TMEM135: variants seen among roughly 807,000 people sequenced by gnomAD.
TMEM135 encodes peroxisomal membrane protein 52.
Under a neutral mutation model 60.3 loss-of-function variants are expected in TMEM135, and 30 were observed. The observed-to-expected ratio is 0.50, with a 90% CI of 0.37 to 0.68. The LOEUF (loss-of-function observed/expected upper bound fraction) is 0.68. TMEM135 is among the 30% of genes least tolerant of loss of function. TMEM135 has a pLI of 0.00. For missense variants in TMEM135, 468 were observed against 548.8 expected (o/e 0.85, Z 1.47); for synonymous variants, 190 against 186.7 (o/e 1.02, Z -0.14).
At chr11:87,252,127 G>T (rs10751150) in intron 6 of TMEM135, among the ~76,000 whole-genome samples, 16,556 of 152,036 alleles carry the variant, frequency 0.11, 1,634 homozygotes, top group African/African-American at 0.26. Flanking sequence ...TTTCTTTCTT[G>T]TCCCCTTCCT....
chr11:87,098,368 A>T (rs1417069571), intron 4 of TMEM135, among the ~76,000 whole-genome samples: 1 of 150,086 alleles, frequency 6.7e-6, no homozygotes, highest in Non-Finnish European at 1.5e-5. Context: ...CTGTAATATT[A>T]TTTACAAGTA....
chr11:87,315,470 T>G (rs1218672110), intron 12 of TMEM135, among the ~76,000 whole-genome samples: 1 of 151,962 alleles, frequency 6.6e-6, no homozygotes, highest in African/African-American at 2.4e-5. Context: ...CTTTTTGTGA[T>G]GCTAAGATTG....
chr11:87,182,001 T>G (rs1433763147), intron 5 of TMEM135, among the ~76,000 whole-genome samples: 1 of 151,210 alleles, frequency 6.6e-6, no homozygotes, highest in Non-Finnish European at 1.5e-5. Flanking sequence ...GTATTTGAAA[T>G]GAGAGTAAGC....
chr11:87,213,282 T>TGTA (rs1940419693), intron 5 of TMEM135, among the ~76,000 whole-genome samples: 1 of 152,208 alleles, frequency 6.6e-6, no homozygotes, highest in Non-Finnish European at 1.5e-5. Flanking sequence ...TCTACCAGTG[T>TGTA]CCTGTGGAAG....
chr11:87,254,731 T>C (rs1941486794), intron 6 of TMEM135, among the ~76,000 whole-genome samples: 1 of 152,178 alleles, frequency 6.6e-6, no homozygotes, highest in Admixed American at 6.5e-5. Context: ...CTGGGAATTA[T>C]CCAGATGTGA....
chr11:87,071,548 T>C lies in TMEM135; in HGVS notation c.295T>C (p.Trp99Arg), dbSNP rs1856772941. 1 of 1,613,956 alleles carries C rather than the reference T, an allele frequency of 6.2e-7. No homozygotes were observed. Among genetic ancestry groups the C allele is most frequent in the Non-Finnish European group, 8.5e-7 (1 of 1,179,994 alleles). Reference sequence around the variant, plus strand: ...GAAGATACTTGGAAAATTCTACTCATGGACTCCTGGCTTTGGTGCCGCTCT... The same window carrying C: ...GAAGATACTTGGAAAATTCTACTCACGGACTCCTGGCTTTGGTGCCGCTCT... ...LRKILGKFYS[W>R]TPGFGAALPA... Residue 99 changes from tryptophan to arginine, a missense_variant, in exon 3 of 15, where the codon TGG becomes CGG. Trp to Arg is a moderately radical substitution (Grantham distance 101, BLOSUM62 -3). Coordinates refer to ENST00000305494, the MANE Select transcript of TMEM135 (RefSeq NM_022918.4).
At chr11:87,155,586 T>C (rs1291799606) in intron 4 of TMEM135, among the ~76,000 whole-genome samples, 2 of 152,258 alleles carry the variant, frequency 1.3e-5, no homozygotes, top group East Asian at 1.9e-4. Context: ...TGTTTAAGTT[T>C]AGGGCCACTG....
chr11:87,313,674 T>A (rs948709057), intron 11 of TMEM135, among the ~76,000 whole-genome samples, 186 bp downstream of exon 11: 1 of 151,932 alleles, frequency 6.6e-6, no homozygotes, highest in Non-Finnish European at 1.5e-5. Context: ...TGCCATCTGA[T>A]GTTTTGAGTT....
At position 87,155,123 on chromosome 11, in the gene TMEM135, C is replaced by T. The variant is rs533669447; in HGVS notation, c.397-2218C>T. 3.3e-5 allele frequency among the ~76,000 whole-genome samples: 5 copies of T among 152,274 alleles called. No homozygotes were observed. The East Asian group carries it at 7.7e-4, about 23-fold the overall frequency. On this transcript the variant is annotated intron_variant, in intron 4 of 14. Coordinates refer to ENST00000305494, the MANE Select transcript of TMEM135 (RefSeq NM_022918.4). Reference sequence around the variant, plus strand: ...AAGTTATTCTCCTGCCTCAGCCTCCCGGGTAGCTGGGAGTACAGGCATGTG... The same window carrying T: ...AAGTTATTCTCCTGCCTCAGCCTCCTGGGTAGCTGGGAGTACAGGCATGTG...
chr11:87,105,395 T>A (rs950402905), intron 4 of TMEM135, among the ~76,000 whole-genome samples: 1 of 152,166 alleles, frequency 6.6e-6, no homozygotes, highest in Non-Finnish European at 1.5e-5. Flanking sequence ...ATGCTTCTTA[T>A]GATGATCTGA....
chr11:87,084,143 C>T (rs912824412), intron 3 of TMEM135, among the ~76,000 whole-genome samples: 3 of 151,986 alleles, frequency 2.0e-5, no homozygotes, highest in African/African-American at 4.8e-5. Flanking sequence ...TTATTGATTA[C>T]GCATCTAATT....
chr11:87,300,747 T>C lies in TMEM135; in HGVS notation c.552-1549T>C, dbSNP rs561176299. 8.5e-5 allele frequency among the ~76,000 whole-genome samples: 13 copies of C among 152,354 alleles called. No homozygotes were observed. In the East Asian group the frequency reaches 2.5e-3, roughly 29 times the overall value. ...AACAGCAAAGAAGATATACATGGTC[T>C]CACAGGCCTCACAGTTGAGTAGGGG... On this transcript the variant is annotated intron_variant, in intron 7 of 14. Transcript: ENST00000305494.
At chr11:87,219,838 A>C (rs1324464638) in intron 5 of TMEM135, among the ~76,000 whole-genome samples, 1 of 152,178 alleles carries the variant, frequency 6.6e-6, no homozygotes. Context: ...GTTTAGTGTC[A>C]TAACAATCCA....
At chr11:87,152,136 G>C (rs1938573140) in intron 4 of TMEM135, among the ~76,000 whole-genome samples, 1 of 152,136 alleles carries the variant, frequency 6.6e-6, no homozygotes, top group Admixed American at 6.5e-5. Context: ...CATGTCTTCT[G>C]ACTCTTCAGA....
rs560606830 is a variant in TMEM135, at chr11:87,327,558, G to GAC, written c.*6229_*6230dup. ...GAGAGATATGAGAGGGATAGAGAGA[G>GAC]ACACAGAGAGAGATATGAGAGGGGA... On this transcript the variant is annotated 3_prime_UTR_variant, in exon 15 of 15. Coordinates refer to ENST00000305494, the MANE Select transcript of TMEM135 (RefSeq NM_022918.4). 9.3e-5 allele frequency: 42 copies of GAC among 451,530 alleles called. No homozygotes were observed. Among genetic ancestry groups the GAC allele is most frequent in the African/African-American group, 5.2e-4 (26 of 49,898 alleles). The allele number at this position is 451,530 out of a possible 1,614,324, so 28.0% of individuals were successfully genotyped here. A position where few individuals can be genotyped will look rare whatever the true frequency, so the allele number is the denominator to read the frequency against.
chr11:87,063,737 A>AG (rs1949971075), intron 1 of TMEM135, among the ~76,000 whole-genome samples: 1 of 152,226 alleles, frequency 6.6e-6, no homozygotes, highest in South Asian at 2.1e-4. Context: ...GTTACAGCAC[A>AG]GTGATGATAA....
chr11:87,151,023 T>G (rs1214729403), intron 4 of TMEM135, among the ~76,000 whole-genome samples: 1 of 152,118 alleles, frequency 6.6e-6, no homozygotes, highest in Non-Finnish European at 1.5e-5. Flanking sequence ...AAGGCATTAT[T>G]TTATTGTCTT....
intron 5 of TMEM135, among the ~76,000 whole-genome samples, chr11:87,221,350 A>C (rs1940613208): frequency 6.6e-6 from 1 of 152,196 alleles, no homozygotes; most frequent in Admixed American, 6.5e-5. Flanking sequence ...TTCAGTGAAT[A>C]CTTCCTTTGG....
chr11:87,062,773 A>T (rs572270932), intron 1 of TMEM135, among the ~76,000 whole-genome samples: 30 of 152,182 alleles, frequency 2.0e-4, no homozygotes, highest in Middle Eastern at 3.4e-3. Flanking sequence ...ATTTATTTTT[A>T]AAAAAATTAC....
Sources: allele counts gnomAD v4.1 joint callset (sites outside exome capture counted in the v4.1 genomes callset), GRCh38; gene constraint gnomAD v4.1.1; transcripts MANE v1.5; gene names NCBI Gene and HGNC (gene_info 2026-07-23, HGNC 2026-07-21).